Variants in DCAF12 observed in about 807,000 individuals in gnomAD.
The protein encoded by DCAF12 is DDB1- and CUL4-associated factor 12.
DCAF12 carries 28 observed loss-of-function variants against 52.8 expected under a neutral mutation model. That is an observed-to-expected ratio of 0.53 (90% confidence interval 0.39 to 0.73). The LOEUF (loss-of-function observed/expected upper bound fraction) is 0.73, where lower values mean the gene tolerates loss of function less well. DCAF12 is among the 30% of genes least tolerant of loss of function. The pLI, the probability that DCAF12 is intolerant of heterozygous loss-of-function variation, is 0.00. For synonymous variants in DCAF12, 196 were observed against 215.5 expected, an observed-to-expected ratio of 0.91 and a Z score of 0.79; for missense variants, 425 against 552.2, an observed-to-expected ratio of 0.77 and a Z score of 2.31.
chr9:34,109,758 T>G lies in DCAF12; in HGVS notation c.334-2193A>C, dbSNP rs548915894. ...AGCTGGCCCTGGAAGCTCAGGCAGGTGGTGACCCCACTCACAGTGCAGACA... is the reference window on the plus strand; with the variant it reads ...AGCTGGCCCTGGAAGCTCAGGCAGGGGGTGACCCCACTCACAGTGCAGACA... On this transcript the variant is annotated intron_variant, in intron 2 of 8. Transcript: ENST00000361264. 57 of 304,594 alleles carry G rather than the reference T, an allele frequency of 1.9e-4. 1 individual carries two copies. Among genetic ancestry groups the G allele is most frequent in the Middle Eastern group, 1.1e-3 (1 of 922 alleles). The allele number at this position is 304,594 out of a possible 1,614,324, so 18.9% of individuals were successfully genotyped here.
chr9:34,125,494 C>CA (rs1247211697), intron 1 of DCAF12: 26 of 631,178 alleles, frequency 4.1e-5, no homozygotes, highest in Admixed American at 1.1e-4. Context: ...ATGTGAATTA[C>CA]AAGGGCTGAA....
At chr9:34,099,466 AAGTG>A (rs1407857288) in intron 4 of DCAF12, among the ~76,000 whole-genome samples, 1 of 151,754 alleles carries the variant, frequency 6.6e-6, no homozygotes. Flanking sequence ...TCCTGACCTC[AAGTG>A]ATCCACCTGC....
intron 2 of DCAF12, among the ~76,000 whole-genome samples, chr9:34,113,701 C>T (rs1183055815): frequency 6.6e-6 from 1 of 152,120 alleles, no homozygotes; most frequent in Admixed American, 6.6e-5. Flanking sequence ...CAGGCCTTAC[C>T]CTAAAACTCT....
intron 5 of DCAF12, among the ~76,000 whole-genome samples, chr9:34,098,008 A>ATTT (rs1828764334): frequency 2.6e-5 from 4 of 152,296 alleles, no homozygotes; most frequent in African/African-American, 9.6e-5. Flanking sequence ...AAGTATGAAA[A>ATTT]TCATGCCCAG....
At chr9:34,095,947 A>G (rs1828728549) in intron 6 of DCAF12, 1 of 152,166 alleles carries the variant, frequency 6.6e-6, no homozygotes, top group Non-Finnish European at 1.5e-5. Flanking sequence ...TGCAATAGGA[A>G]AGAATCACCC....
intron 2 of DCAF12, among the ~76,000 whole-genome samples, chr9:34,113,097 C>G (rs1449095581): frequency 6.6e-6 from 1 of 152,028 alleles, no homozygotes; most frequent in African/African-American, 2.4e-5. Context: ...GTTGCCCAGG[C>G]TGGAGTGCAA....
rs36066422 is a variant in DCAF12 at position 34,095,372 on chromosome 9, CTTTTTTTTTTTTTT to C, written c.861+1330_861+1343del. ...ATAGGCGTGAACCACCGCGCCAGGCCTTTTTTTTTTTTTTTTTTTTTTTTTTGAGATAGGGTCTC... is the reference window on the plus strand; with the variant it reads ...ATAGGCGTGAACCACCGCGCCAGGCCTTTTTTTTTTTTGAGATAGGGTCTC... On this transcript the variant is annotated intron_variant, in intron 6 of 8. Transcript: ENST00000361264. Among the ~76,000 whole-genome samples, 11 of 78,178 alleles carry C rather than the reference CTTTTTTTTTTTTTT, an allele frequency of 1.4e-4. No individual in the cohort carries two copies. The East Asian group carries it at 2.3e-3, about 16-fold the overall frequency. The allele number at this position is 78,178 out of a possible 152,430, so 51.3% of individuals were successfully genotyped here.
At position 34,096,720 on chromosome 9, in the gene DCAF12, G is replaced by C. The variant is rs774034512; in HGVS notation, c.857C>G (p.Ser286Cys). The C allele has an allele frequency of 1.7e-5, 27 of 1,613,598 alleles. No individual in the cohort carries two copies. The highest frequency in any genetic ancestry group is 2.1e-5 in the Non-Finnish European group (25 of 1,179,680). The change falls in exon 6 of 9, where the codon TCT becomes TGT. Residue 286 changes from serine (S) to cysteine (C), a missense_variant. Coordinates refer to ENST00000361264, the MANE Select transcript of DCAF12 (RefSeq NM_015397.4). ...ACAAAATCATGTTCATCACACCTTA[G>C]ATAGTGTATTTTCAGCCTTCCAGAG... ...FHLWKAENTL[S>C]KLLSTKLPYC... is the part of the protein sequence containing the mutation.
In DCAF12 at chr9:34,108,812, A is replaced by AT. The variant is rs377504137; in HGVS notation, c.334-1248_334-1247insA. Among the ~76,000 whole-genome samples the AT allele has an allele frequency of 3.7e-3, 517 of 139,270 alleles. 2 individuals are homozygous for AT. Among genetic ancestry groups the AT allele is most frequent in the Middle Eastern group, 7.7e-3 (2 of 260 alleles). The allele number at this position is 139,270 out of a possible 152,430, so 91.4% of individuals were successfully genotyped here. On this transcript the variant is annotated intron_variant, in intron 2 of 8. Coordinates refer to ENST00000361264, the MANE Select transcript of DCAF12 (RefSeq NM_015397.4). ...TGGTCTCAAAAAAAATAAATAAATA[A>AT]ATATATATATATATATATGAATGAG...
At chr9:34,125,362 A>G (rs1206113649) in intron 1 of DCAF12, 85 bp from the exon 2 acceptor site, 3 of 1,439,920 alleles carry the variant, frequency 2.1e-6, no homozygotes, top group Non-Finnish European at 2.8e-6. Context: ...ACCAACTCAT[A>G]ACTCATACTG....
At chr9:34,117,066 AGATG>A (rs1015545768) in intron 2 of DCAF12, among the ~76,000 whole-genome samples, 12 of 152,230 alleles carry the variant, frequency 7.9e-5, no homozygotes, top group African/African-American at 2.9e-4. Context: ...TTCCTACACA[AGATG>A]GACTACACTA....
chr9:34,096,749 A>T lies in DCAF12; in HGVS notation c.828T>A (p.Phe276Leu). The change falls in exon 6 of 9, where the codon TTT becomes TTA. Residue 276 changes from phenylalanine to leucine, a missense_variant. Transcript: ENST00000361264. ...GTGTATTTTCAGCCTTCCAGAGATGAAAGTAGCCATCCAGAGACACTGCTC... is the reference window on the plus strand; with the variant it reads ...GTGTATTTTCAGCCTTCCAGAGATGTAAGTAGCCATCCAGAGACACTGCTC... ...ELGAVSLDGY[F>L]HLWKAENTLS... 6.2e-7 allele frequency: 1 copy of T among 1,614,132 alleles called. No homozygotes were observed. Among genetic ancestry groups the T allele is most frequent in the Non-Finnish European group, 8.5e-7 (1 of 1,180,022 alleles).
intron 7 of DCAF12, chr9:34,089,806 A>G (rs1828616083): frequency 2.3e-6 from 1 of 426,744 alleles, no homozygotes; most frequent in African/African-American, 2.0e-5. Flanking sequence ...CACTGACAGA[A>G]ACCATCCAAG....
At chr9:34,098,046 A>C (rs1191815116) in intron 5 of DCAF12, among the ~76,000 whole-genome samples, 1 of 152,232 alleles carries the variant, frequency 6.6e-6, no homozygotes, top group Non-Finnish European at 1.5e-5. Flanking sequence ...GGCATGTGCA[A>C]ATGACAGACA....
rs555573297 is a variant in DCAF12, at chr9:34,097,011, C to T, written c.796-230G>A. The stretch of plus-strand genomic sequence containing the variant: ...AGGCACCCATGGTTGAAAAACTCCT[C>T]ACTATGCTATCACTCCCTCAACGTC... On this transcript the variant is annotated intron_variant, in intron 5 of 8. Coordinates refer to ENST00000361264, the MANE Select transcript of DCAF12 (RefSeq NM_015397.4). Among the ~76,000 whole-genome samples the T allele has an allele frequency of 3.9e-5, 6 of 152,208 alleles. No homozygotes were observed. The East Asian group carries it at 9.7e-4, about 25-fold the overall frequency.
At chr9:34,098,957 A>G (rs1205035408) in intron 4 of DCAF12, among the ~76,000 whole-genome samples, 1 of 150,814 alleles carries the variant, frequency 6.6e-6, no homozygotes, top group East Asian at 2.0e-4. Flanking sequence ...TTTAGTAGAG[A>G]CGGGGTTTTA....
At chr9:34,113,790 G>A (rs1471377668) in intron 2 of DCAF12, among the ~76,000 whole-genome samples, 3 of 152,206 alleles carry the variant, frequency 2.0e-5, no homozygotes, top group African/African-American at 7.2e-5. Flanking sequence ...GCCGAAGTGT[G>A]CATCAGTGAA....
chr9:34,110,066 CAGAG>C (rs916973258), intron 2 of DCAF12: 3 of 150,258 alleles, frequency 2.0e-5, no homozygotes, highest in Admixed American at 6.7e-5. Context: ...TTATTAAAGA[CAGAG>C]AGAGAGAAAG....
At chr9:34,124,050 T>C (rs1376780742) in intron 2 of DCAF12, among the ~76,000 whole-genome samples, 2 of 152,222 alleles carry the variant, frequency 1.3e-5, no homozygotes, top group Non-Finnish European at 2.9e-5. Context: ...ACCATGGTAT[T>C]ATTTCCTTCC....
Sources: allele counts gnomAD v4.1 joint callset (sites outside exome capture counted in the v4.1 genomes callset), GRCh38; gene constraint gnomAD v4.1.1; transcripts MANE v1.5; gene names NCBI Gene and HGNC (gene_info 2026-07-23, HGNC 2026-07-21).